The following DMD variants were observed in gnomAD, a reference collection of about 807,000 sequenced individuals.
The protein encoded by DMD is dystrophin, also known as mutant dystrophin.
DMD carries 63 observed loss-of-function variants against 330.1 expected under a neutral mutation model. The ratio of observed to expected loss-of-function variants is 0.19; its 90% confidence interval spans 0.16 to 0.24. The LOEUF (loss-of-function observed/expected upper bound fraction) is 0.24, where lower values mean the gene tolerates loss of function less well. Ranked by LOEUF, DMD falls within the 10% of genes least tolerant of loss-of-function variation. DMD has a pLI of 1.00. For synonymous variants in DMD, 1,223 were observed against 959.8 expected (o/e 1.27, Z -5.07); for missense variants, 3,344 against 2,684.1 (o/e 1.25, Z -5.43).
At chrX:32,537,643 A>C (rs2048110105) in intron 17 of DMD, among the ~76,000 whole-genome samples, 1 of 111,798 alleles carries the variant, frequency 8.9e-6, no homozygotes. Context: ...CTCGATGTAG[A>C]GTATGAGAGG....
At chrX:33,192,981 T>TA (rs1407880716) in intron 1 of DMD, among the ~76,000 whole-genome samples, 1 of 111,748 alleles carries the variant, frequency 8.9e-6, no homozygotes, top group Non-Finnish European at 1.9e-5. Flanking sequence ...AAAAAATTTC[T>TA]AAAATGTGTC....
intron 64 of DMD, among the ~76,000 whole-genome samples, 160 bp from the exon 65 acceptor site, chrX:31,209,859 C>T (rs1296556550): frequency 3.6e-5 from 4 of 111,581 alleles, no homozygotes; most frequent in East Asian, 2.8e-4. Context: ...TTTTATGCCT[C>T]GACTCTAAGT....
At chrX:33,225,695 A>G (rs908574357) in intron 1 of DMD, among the ~76,000 whole-genome samples, 1 of 111,393 alleles carries the variant, frequency 9.0e-6, no homozygotes, top group African/African-American at 3.3e-5. Context: ...CGTGTGCCTT[A>G]AAAGACACAA....
intron 2 of DMD, among the ~76,000 whole-genome samples, chrX:32,957,225 G>A (rs1280365654): frequency 2.7e-5 from 3 of 111,313 alleles, no homozygotes; most frequent in African/African-American, 3.3e-5. Context: ...TAAAGTCATC[G>A]TAAACTCTTG....
chrX:32,838,407 C>G (rs765056256), intron 4 of DMD, among the ~76,000 whole-genome samples: 114 of 110,722 alleles, frequency 1.0e-3, no homozygotes, highest in Admixed American at 1.7e-3. Context: ...GCCCCCCACC[C>G]TCTGACAGGC....
chrX:33,095,325 G>A (rs957964029), intron 1 of DMD, among the ~76,000 whole-genome samples: 2 of 112,369 alleles, frequency 1.8e-5, no homozygotes, highest in African/African-American at 3.2e-5. Context: ...CAGAAATAGC[G>A]AACAACATAA....
intron 44 of DMD, among the ~76,000 whole-genome samples, chrX:32,021,737 T>A: frequency 8.9e-6 from 1 of 112,246 alleles, no homozygotes; most frequent in East Asian, 2.8e-4. Flanking sequence ...ATAATTGTGA[T>A]TTGGATATAC....
rs142387322 is a variant in DMD at position 32,472,926 on chromosome X, A to G, written c.2804-617T>C. Among the ~76,000 whole-genome samples the G allele has an allele frequency of 1.2e-4, 13 of 111,017 alleles. No individual in the cohort carries two copies. In the East Asian group the frequency reaches 3.4e-3, roughly 29 times the overall value. On this transcript the variant is annotated intron_variant, in intron 21 of 78. Transcript: ENST00000357033. Reference sequence around the variant, plus strand: ...ATTGTTAATCCCAATTGCAATTGAGAAAACAGGCTATTAAAGAGGCATATG... The same window carrying G: ...ATTGTTAATCCCAATTGCAATTGAGGAAACAGGCTATTAAAGAGGCATATG...
intron 7 of DMD, among the ~76,000 whole-genome samples, chrX:32,798,110 T>C (rs2076304445): frequency 9.0e-6 from 1 of 111,595 alleles, no homozygotes; most frequent in Non-Finnish European, 1.9e-5. Context: ...GAAAGATTAG[T>C]AGAAAATACC....
rs2041269961 is a variant in DMD, at chrX:31,182,591, T to A, written c.9974+147A>T. 1.8e-5 allele frequency: 10 copies of A among 555,663 alleles called. No individual in the cohort carries two copies. In the East Asian group the frequency reaches 3.5e-4, roughly 19 times the overall value. The allele number at this position is 555,663 out of a possible 1,213,427, so 45.8% of individuals were successfully genotyped here. ...CTAGCGATCAGGAGGGTGACAGGAA[T>A]GATCGATGTTCCAGCCCAATCACCT... On this transcript the variant is annotated intron_variant, in intron 68 of 78. Coordinates refer to ENST00000357033, the MANE Select transcript of DMD (RefSeq NM_004006.3).
At chrX:32,420,095 C>G (rs1194566917) in intron 29 of DMD, among the ~76,000 whole-genome samples, 1 of 111,878 alleles carries the variant, frequency 8.9e-6, no homozygotes, top group Non-Finnish European at 1.9e-5. Context: ...CATATCCAAG[C>G]TTTCTCAAGG....
At position 32,883,837 on chromosome X, in the gene DMD, A is replaced by AG. The variant is rs769389036; in HGVS notation, c.94-34018_94-34017insC. On this transcript the variant is annotated intron_variant, in intron 2 of 78. Coordinates refer to ENST00000357033, the MANE Select transcript of DMD (RefSeq NM_004006.3). ...AGACTCTGTTTCAAAAAAAAAAAAA[A>AG]AAAAAAAAAAAAAAGAAAATGACTT... Among the ~76,000 whole-genome samples the AG allele has an allele frequency of 3.7e-3, 386 of 104,223 alleles. 9 individuals are homozygous for AG. In the East Asian group the frequency reaches 0.059, roughly 16 times the overall value. 90.5% of individuals were successfully genotyped at this position (104,223 alleles called of 115,157 possible).
intron 55 of DMD, among the ~76,000 whole-genome samples, chrX:31,573,524 T>A (rs1415471720): frequency 1.8e-5 from 2 of 112,061 alleles, no homozygotes; most frequent in Non-Finnish European, 3.8e-5. Context: ...TGGTTAACAT[T>A]CTGTTTATCA....
intron 44 of DMD, among the ~76,000 whole-genome samples, chrX:32,155,998 A>G (rs1421211400): frequency 9.1e-6 from 1 of 110,006 alleles, no homozygotes; most frequent in Non-Finnish European, 1.9e-5. Flanking sequence ...ACACACACAC[A>G]CACACACACA....
chrX:32,837,682 T>A (rs759508355), intron 4 of DMD, among the ~76,000 whole-genome samples: 1 of 111,983 alleles, frequency 8.9e-6, no homozygotes, highest in East Asian at 2.8e-4. Flanking sequence ...TTAATACACT[T>A]GACTTCACAA....
intron 1 of DMD, among the ~76,000 whole-genome samples, chrX:33,124,476 G>GAAAA (rs56147804): frequency 6.2e-5 from 1 of 16,132 alleles, no homozygotes; most frequent in African/African-American, 2.7e-4. Context: ...GACTCTGTCT[G>GAAAA]AAAAAAAAAA....
chrX:32,880,644 A>T (rs1283624567), intron 2 of DMD, among the ~76,000 whole-genome samples: 1 of 112,935 alleles, frequency 8.9e-6, no homozygotes, highest in Non-Finnish European at 1.9e-5. Flanking sequence ...AAACTGAGTT[A>T]AAAAGACTAA....
chrX:32,082,841 G>A (rs1259919801), intron 44 of DMD, among the ~76,000 whole-genome samples: 3 of 111,833 alleles, frequency 2.7e-5, no homozygotes, highest in Non-Finnish European at 3.8e-5. Flanking sequence ...CATGTGTGAT[G>A]AAAGCTTCAG....
chrX:33,036,750 T>C (rs780490599), intron 1 of DMD, among the ~76,000 whole-genome samples: 27 of 111,154 alleles, frequency 2.4e-4, no homozygotes, highest in Middle Eastern at 4.7e-3. Context: ...TCATATGTAA[T>C]TCAATGTAAT....
Sources: gnomAD v4.1 joint callset for allele counts (sites outside exome capture counted in the v4.1 genomes callset) on GRCh38, gnomAD v4.1.1 for gene constraint, MANE v1.5 for transcripts, NCBI Gene and HGNC (gene_info 2026-07-23, HGNC 2026-07-21) for gene names.